The following TNFSF13B variants were observed in gnomAD, a reference collection of about 807,000 sequenced individuals.
TNFSF13B encodes tumor necrosis factor ligand superfamily member 13B.
In TNFSF13B, 8 loss-of-function variants were observed where a neutral mutation model predicts 29.1. That is an observed-to-expected ratio of 0.27 (90% confidence interval 0.16 to 0.50). TNFSF13B has a LOEUF of 0.50. Among genes scored for constraint, TNFSF13B ranks in the 20% least tolerant of loss-of-function variants. TNFSF13B has a pLI of 0.98. For synonymous variants in TNFSF13B, 125 were observed against 130.8 expected (o/e 0.96, Z 0.30); for missense variants, 248 against 334.9 (o/e 0.74, Z 2.03).
intron 3 of TNFSF13B, among the ~76,000 whole-genome samples, chr13:108,293,075 A>G (rs901801297): frequency 2.0e-5 from 3 of 152,048 alleles, no homozygotes; most frequent in Admixed American, 2.0e-4. Context: ...TAGGTAATTA[A>G]TCTATTTTAA....
rs1200526459 is a variant in TNFSF13B at position 108,298,739 on chromosome 13, G to A, written c.482-4514G>A. ...TGCCTGTAATCCCAGCACTTTGGGAGGCCAAGGCAGGATCACAAGGTCGGG... is the reference window on the plus strand; with the variant it reads ...TGCCTGTAATCCCAGCACTTTGGGAAGCCAAGGCAGGATCACAAGGTCGGG... On this transcript the variant is annotated intron_variant, in intron 3 of 5. Transcript: ENST00000375887. Among the ~76,000 whole-genome samples the A allele has an allele frequency of 1.4e-5, 2 of 145,574 alleles. 1 individual carries two copies. Among genetic ancestry groups the A allele is most frequent in the African/African-American group, 5.2e-5 (2 of 38,668 alleles).
chr13:108,282,107 GA>G (rs1390263919), intron 2 of TNFSF13B, among the ~76,000 whole-genome samples: 9 of 152,112 alleles, frequency 5.9e-5, no homozygotes, highest in African/African-American at 2.2e-4. Flanking sequence ...AAGATGACAG[GA>G]AAAAAACCAC....
At chr13:108,298,313 G>T (rs965095238) in intron 3 of TNFSF13B, among the ~76,000 whole-genome samples, 1 of 145,100 alleles carries the variant, frequency 6.9e-6, no homozygotes, top group Admixed American at 6.8e-5. Flanking sequence ...AAAGTGAACA[G>T]ATTATAAGAG....
rs544754449 is a variant in TNFSF13B at position 108,278,300 on chromosome 13, G to A, written c.424+7876G>A. On this transcript the variant is annotated intron_variant, in intron 2 of 5. Coordinates refer to ENST00000375887, the MANE Select transcript of TNFSF13B (RefSeq NM_006573.5). Reference sequence around the variant, plus strand: ...AATGTTGTTAGTGGTAGAGATCACAGACTGCGAGATTATCTAGACAGTGGT... The same window carrying A: ...AATGTTGTTAGTGGTAGAGATCACAAACTGCGAGATTATCTAGACAGTGGT... 1.4e-4 allele frequency among the ~76,000 whole-genome samples: 22 copies of A among 152,228 alleles called. No homozygotes were observed. In the South Asian group the frequency reaches 4.6e-3, roughly 32 times the overall value.
At chr13:108,293,415 T>C (rs1443457720) in intron 3 of TNFSF13B, among the ~76,000 whole-genome samples, 1 of 152,204 alleles carries the variant, frequency 6.6e-6, no homozygotes, top group African/African-American at 2.4e-5. Context: ...GATACTCTTT[T>C]GCAATAACAA....
chr13:108,272,404 T>A (rs80084947), intron 2 of TNFSF13B, among the ~76,000 whole-genome samples: 1 of 152,208 alleles, frequency 6.6e-6, no homozygotes, highest in Admixed American at 6.5e-5. Context: ...TTTTCCCTAA[T>A]ATTAAAGCTA....
chr13:108,289,606 ATATAT>A (rs985398979), intron 3 of TNFSF13B, among the ~76,000 whole-genome samples: 1 of 147,414 alleles, frequency 6.8e-6, no homozygotes. Context: ...ATATATAATA[ATATAT>A]TATTATCTTC....
intron 2 of TNFSF13B, among the ~76,000 whole-genome samples, chr13:108,283,965 G>C (rs2139051592): frequency 6.6e-6 from 1 of 152,208 alleles, no homozygotes; most frequent in Middle Eastern, 3.4e-3. Flanking sequence ...GGAATTTGGG[G>C]GCAACACAGA....
At chr13:108,278,682 TTTCCTCCTCCTC>T (rs1328068317) in intron 2 of TNFSF13B, among the ~76,000 whole-genome samples, 31 of 7,936 alleles carry the variant, frequency 3.9e-3, no homozygotes, top group Middle Eastern at 0.1. Context: ...CCTCTCCTCC[TTTCCTCCTCCTC>T]TTCCTCCTCC....
intron 2 of TNFSF13B, among the ~76,000 whole-genome samples, chr13:108,281,310 G>T (rs1468307843): frequency 1.3e-5 from 2 of 152,064 alleles, no homozygotes; most frequent in Non-Finnish European, 2.9e-5. Flanking sequence ...ATCAGCTGTG[G>T]TTTTTTCTAT....
chr13:108,279,933 C>G (rs1880884392), intron 2 of TNFSF13B, among the ~76,000 whole-genome samples: 1 of 152,058 alleles, frequency 6.6e-6, no homozygotes, highest in Non-Finnish European at 1.5e-5. Context: ...CCCAGAGAAG[C>G]CTTCCTGATT....
chr13:108,282,267 T>G (rs1396889548), intron 2 of TNFSF13B, among the ~76,000 whole-genome samples: 1 of 152,194 alleles, frequency 6.6e-6, no homozygotes, highest in African/African-American at 2.4e-5. Flanking sequence ...GTAATGTTTT[T>G]CATGGGAGAC....
Position 108,289,675 on chromosome 13 carries a change from T to G in TNFSF13B, c.481+2816T>G, listed in dbSNP as rs577130235. 2.0e-5 allele frequency among the ~76,000 whole-genome samples: 3 copies of G among 149,906 alleles called. No homozygotes were observed. In the East Asian group the frequency reaches 5.8e-4, roughly 29 times the overall value. Reference sequence around the variant, plus strand: ...TATTAGCATATTGTATATATTATCTTATTGTATTATACATAACATCAGGTC... The same window carrying G: ...TATTAGCATATTGTATATATTATCTGATTGTATTATACATAACATCAGGTC... On this transcript the variant is annotated intron_variant, in intron 3 of 5. Coordinates refer to ENST00000375887, the MANE Select transcript of TNFSF13B (RefSeq NM_006573.5).
chr13:108,297,235 T>C lies in TNFSF13B; in HGVS notation c.482-6018T>C, dbSNP rs141353682. 2.3e-3 allele frequency among the ~76,000 whole-genome samples: 331 copies of C among 146,088 alleles called. 45 individuals are homozygous for C. Among genetic ancestry groups the C allele is most frequent in the African/African-American group, 7.9e-3 (310 of 39,090 alleles). On this transcript the variant is annotated intron_variant, in intron 3 of 5. Coordinates refer to ENST00000375887, the MANE Select transcript of TNFSF13B (RefSeq NM_006573.5). ...CACATATAGAATACATGGTAGACAG[T>C]GTTTTTCATTCAGTACTTTAAATAT...
At chr13:108,302,213 A>G (rs944643801) in intron 3 of TNFSF13B, among the ~76,000 whole-genome samples, 1 of 152,172 alleles carries the variant, frequency 6.6e-6, no homozygotes, top group Non-Finnish European at 1.5e-5. Flanking sequence ...TATGATCAGG[A>G]TGAAATTTGG....
chr13:108,297,421 G>A lies in TNFSF13B; in HGVS notation c.482-5832G>A, dbSNP rs1012291660. Among the ~76,000 whole-genome samples the A allele has an allele frequency of 6.2e-5, 9 of 145,272 alleles. 2 individuals are homozygous for A. The highest frequency in any genetic ancestry group is 2.3e-4 in the African/African-American group (9 of 38,698). On this transcript the variant is annotated intron_variant, in intron 3 of 5. Transcript: ENST00000375887. ...GCTTGATTTTAAGAAGTCTTGGTAG[G>A]AATCTTTTGTGTTTACCCTTCTTGG... is the stretch of plus-strand genomic sequence containing the variant.
At chr13:108,273,123 T>C (rs554228146) in intron 2 of TNFSF13B, among the ~76,000 whole-genome samples, 2 of 152,298 alleles carry the variant, frequency 1.3e-5, no homozygotes, top group South Asian at 4.1e-4. Flanking sequence ...TTTCATGGTT[T>C]GCCCTAGACT....
Position 108,303,370 on chromosome 13 carries a change from G to T in TNFSF13B, c.594+5G>T. 6.2e-7 allele frequency: 1 copy of T among 1,611,096 alleles called. No individual in the cohort carries two copies. Among genetic ancestry groups the T allele is most frequent in the Non-Finnish European group, 8.5e-7 (1 of 1,178,396 alleles). ...TACTTTTTTATATATGGTCAGGTAG[G>T]TTGAAACCCTAATTCTGGTTTTACT... On this transcript the variant is annotated splice_donor_5th_base_variant and intron_variant, in intron 4 of 5. Coordinates refer to ENST00000375887, the MANE Select transcript of TNFSF13B (RefSeq NM_006573.5).
chr13:108,281,212 G>A (rs1880944611), intron 2 of TNFSF13B, among the ~76,000 whole-genome samples: 1 of 152,066 alleles, frequency 6.6e-6, no homozygotes, highest in South Asian at 2.1e-4. Context: ...TTGCACTCCA[G>A]CCTGGGCAAT....
Sources: allele counts gnomAD v4.1 joint callset (sites outside exome capture counted in the v4.1 genomes callset), GRCh38; gene constraint gnomAD v4.1.1; transcripts MANE v1.5; gene names NCBI Gene and HGNC (gene_info 2026-07-23, HGNC 2026-07-21).